Variants in POLQ observed in about 807,000 individuals in gnomAD.
The protein encoded by POLQ is epididymis secretory sperm binding protein.
In POLQ, 233 loss-of-function variants were observed where a neutral mutation model predicts 259.2. The ratio of observed to expected loss-of-function variants is 0.90; its 90% CI spans 0.81 to 1.00. The LOEUF is 1.00. POLQ is among the 50% of genes least tolerant of loss of function. The probability of loss-of-function intolerance (pLI) is 0.00; values close to 1 mark genes in which losing one functional copy is unlikely to be tolerated. For synonymous variants in POLQ, 1,025 were observed against 1,048.8 expected (o/e 0.98, Z 0.44); for missense variants, 2,871 against 3,051.6 (o/e 0.94, Z 1.39).
Position 121,511,845 on chromosome 3 carries a change from G to C in POLQ, c.1611+42C>G, listed in dbSNP as rs185734472. The C allele has an allele frequency of 2.3e-5, 33 of 1,456,152 alleles. 1 individual carries two copies. The Middle Eastern group carries it at 7.1e-4, about 31-fold the overall frequency. 90.2% of individuals were successfully genotyped at this position (1,456,152 alleles called of 1,614,324 possible). A position where few individuals can be genotyped will look rare whatever the true frequency, so the allele number is the denominator to read the frequency against. On this transcript the variant is annotated intron_variant, in intron 10 of 29. Transcript: ENST00000264233. ...CATATACTAACATTTTACTAATTTA[G>C]GCATAAAAGAGCAAATGGTAATTTA...
chr3:121,450,501 TA>T (rs1285098563), intron 25 of POLQ, among the ~76,000 whole-genome samples: 19 of 151,288 alleles, frequency 1.3e-4, no homozygotes, highest in African/African-American at 4.1e-4. Flanking sequence ...GTGTATCTCC[TA>T]ATGCTATCCC....
chr3:121,498,393 G>T (rs1174621765), intron 13 of POLQ, 84 bp downstream of exon 13: 3 of 892,892 alleles, frequency 3.4e-6, no homozygotes, highest in Non-Finnish European at 5.0e-6. Context: ...TATTGACAAT[G>T]AAAGTGACTA....
chr3:121,501,837 A>C (rs2048172701), intron 12 of POLQ, among the ~76,000 whole-genome samples: 1 of 151,494 alleles, frequency 6.6e-6, no homozygotes, highest in Non-Finnish European at 1.5e-5. Context: ...AATACAAAAA[A>C]AAATTACCCA....
intron 28 of POLQ, among the ~76,000 whole-genome samples, chr3:121,435,011 T>A (rs1221117414): frequency 6.6e-6 from 1 of 151,910 alleles, no homozygotes; most frequent in East Asian, 1.9e-4. Flanking sequence ...AAAATTTTTT[T>A]AAATTAGCCA....
At chr3:121,463,289 CA>C (rs1230445018) in intron 24 of POLQ, among the ~76,000 whole-genome samples, 1 of 152,154 alleles carries the variant, frequency 6.6e-6, no homozygotes, top group African/African-American at 2.4e-5. Context: ...TGCCAGCCAC[CA>C]TATAAGATGT....
chr3:121,514,911 C>T (rs1411904230), intron 9 of POLQ, among the ~76,000 whole-genome samples: 1 of 152,146 alleles, frequency 6.6e-6, no homozygotes, highest in Non-Finnish European at 1.5e-5. Context: ...GAGGACCCTG[C>T]CCAGGAAAGG....
chr3:121,480,435 T>C (rs987421663), intron 19 of POLQ, among the ~76,000 whole-genome samples: 21 of 152,138 alleles, frequency 1.4e-4, no homozygotes, highest in African/African-American at 4.6e-4. Flanking sequence ...AATTCTTGAA[T>C]TCTATGAATA....
chr3:121,454,818 A>C (rs926642739), intron 25 of POLQ, among the ~76,000 whole-genome samples: 27 of 152,300 alleles, frequency 1.8e-4, no homozygotes, highest in African/African-American at 5.8e-4. Context: ...CATTAGACAG[A>C]TCAACGAGAC....
intron 12 of POLQ, among the ~76,000 whole-genome samples, chr3:121,502,355 C>T (rs1483261948): frequency 6.6e-6 from 1 of 152,086 alleles, no homozygotes; most frequent in Non-Finnish European, 1.5e-5. Flanking sequence ...AGGTATGCAC[C>T]ACCACACCCA....
chr3:121,467,198 T>C (rs1418735318), intron 24 of POLQ, among the ~76,000 whole-genome samples: 1 of 152,040 alleles, frequency 6.6e-6, no homozygotes, highest in Non-Finnish European at 1.5e-5. Context: ...CAGTGACAAA[T>C]GCTGTAAACA....
chr3:121,498,746 A>G, intron 12 of POLQ, 76 bp from the exon 13 acceptor site: 1 of 1,013,892 alleles, frequency 9.9e-7, no homozygotes, highest in Non-Finnish European at 1.4e-6. Context: ...CTTCATATTA[A>G]AGACAAAAGC....
Position 121,467,618 on chromosome 3 carries a change from T to C in POLQ, c.6868A>G (p.Ser2290Gly), listed in dbSNP as rs778816042. The C allele has an allele frequency of 6.2e-7, 1 of 1,613,876 alleles. No individual in the cohort carries two copies. The highest frequency in any genetic ancestry group is 1.1e-5 in the South Asian group (1 of 91,064). The change falls in exon 24 of 30, where the codon AGC (serine) becomes GGC (glycine). Residue 2290 changes from serine (S) to glycine (G), a missense_variant. By Grantham distance (56) the Ser-to-Gly change is moderately conservative. Around this residue, in one of 3 missense-constraint regions of POLQ, gnomAD observed 2,080 missense variants for 2,126.0 expected, o/e 0.98. Transcript: ENST00000264233. ...MGRGKYKKGF[S>G]VNPRCQAQME... ...TGTGCCTGGCATCTAGGATTCACGCTGAAACCCTTCTTATATTTTCCTCTG... is the reference window on the plus strand; with the variant it reads ...TGTGCCTGGCATCTAGGATTCACGCCGAAACCCTTCTTATATTTTCCTCTG...
At chr3:121,524,510 T>C (rs2048359133) in intron 7 of POLQ, among the ~76,000 whole-genome samples, 1 of 152,020 alleles carries the variant, frequency 6.6e-6, no homozygotes. Flanking sequence ...ATTATAGCCA[T>C]TAGTATATAC....
chr3:121,513,848 C>A (rs1040056404), intron 9 of POLQ, among the ~76,000 whole-genome samples: 1 of 151,578 alleles, frequency 6.6e-6, no homozygotes, highest in Non-Finnish European at 1.5e-5. Flanking sequence ...CATGGTGAAA[C>A]CCCGTCTCTA....
chr3:121,534,767 T>C (rs1276296275), intron 5 of POLQ, among the ~76,000 whole-genome samples: 1 of 152,268 alleles, frequency 6.6e-6, no homozygotes, highest in African/African-American at 2.4e-5. Context: ...ATTTTTATTA[T>C]ACTTTCAGTT....
Position 121,544,896 on chromosome 3 carries a change from C to T in POLQ, c.174G>A (p.Lys58=). The change falls in exon 2 of 30, where the codon AAG becomes AAA. Residue 58 remains lysine (K), a synonymous_variant. Transcript: ENST00000264233. The part of the protein sequence containing the change: ...CLKAAAAGEC[K]PTVPDYERDK... ...CTCTTTCGTAGTCAGGAACTGTAGG[C>T]TTGCATTCTCCTTTTAGGAAAAAGA... 1.9e-6 allele frequency: 3 copies of T among 1,589,392 alleles called. No homozygotes were observed. The highest frequency in any genetic ancestry group is 1.7e-6 in the Non-Finnish European group (2 of 1,166,908).
At chr3:121,506,620 T>C in intron 12 of POLQ, among the ~76,000 whole-genome samples, 1 of 152,216 alleles carries the variant, frequency 6.6e-6, no homozygotes, top group Non-Finnish European at 1.5e-5. Context: ...ACTACTCTAA[T>C]ATATCTCTGG....
chr3:121,509,947 A>T, intron 11 of POLQ, 92 bp downstream of exon 11: 1 of 1,068,324 alleles, frequency 9.4e-7, no homozygotes, highest in Non-Finnish European at 1.4e-6. Context: ...CTTTTATACT[A>T]CATGAAAAGA....
chr3:121,464,789 A>G (rs11713643), intron 24 of POLQ, among the ~76,000 whole-genome samples: 90,761 of 152,092 alleles, frequency 0.6, 28,036 homozygotes, highest in East Asian at 0.89. Context: ...ATTTCACATT[A>G]TGACTTGGAT....
Sources: gnomAD v4.1 joint callset for allele counts (sites outside exome capture counted in the v4.1 genomes callset) on GRCh38, gnomAD v4.1.1 for gene constraint, gnomAD v4.1.1 regional missense constraint, MANE v1.5 for transcripts, NCBI Gene and HGNC (gene_info 2026-07-23, HGNC 2026-07-21) for gene names.